Variants in VIRMA observed in about 807,000 individuals in gnomAD.
VIRMA encodes the protein protein virilizer homolog.
A neutral mutation model predicts 182.4 loss-of-function variants in VIRMA; 65 were observed. The observed-to-expected ratio is 0.36, with a 90% CI of 0.29 to 0.44. The LOEUF (loss-of-function observed/expected upper bound fraction) is 0.44. Among genes scored for constraint, VIRMA ranks in the 20% least tolerant of loss-of-function variants. VIRMA has a pLI of 1.00. For synonymous variants in VIRMA, 709 were observed against 743.1 expected (o/e 0.95, Z 0.75); for missense variants, 1,752 against 2,158.1 (o/e 0.81, Z 3.73).
Position 94,517,954 on chromosome 8 carries a change from T to C in VIRMA, c.2514-12A>G, listed in dbSNP as rs763343979. ...TAGATTTGGAATCACTGAAACAAAA[T>C]AAGGTTTTTAAGTTTTGGATACAAA... is the stretch of plus-strand genomic sequence containing the variant. On this transcript the variant is annotated splice_polypyrimidine_tract_variant and intron_variant, in intron 9 of 23. Coordinates refer to ENST00000297591, the MANE Select transcript of VIRMA (RefSeq NM_015496.5). 1.9e-6 allele frequency: 3 copies of C among 1,584,050 alleles called. No individual in the cohort carries two copies. The highest frequency in any genetic ancestry group is 2.6e-6 in the Non-Finnish European group (3 of 1,169,388).
chr8:94,551,120 C>T (rs1815971904), intron 1 of VIRMA, among the ~76,000 whole-genome samples: 1 of 152,242 alleles, frequency 6.6e-6, no homozygotes, highest in Non-Finnish European at 1.5e-5. Context: ...CATACCCTAA[C>T]AGACGACTGA....
intron 7 of VIRMA, among the ~76,000 whole-genome samples, chr8:94,528,377 T>G (rs1286411489): frequency 6.6e-6 from 1 of 152,072 alleles, no homozygotes; most frequent in Non-Finnish European, 1.5e-5. Flanking sequence ...ATAATCTAGC[T>G]ATTTGATATT....
chr8:94,516,452 C>T (rs1213928905), intron 10 of VIRMA, among the ~76,000 whole-genome samples: 1 of 152,150 alleles, frequency 6.6e-6, no homozygotes, highest in Non-Finnish European at 1.5e-5. Context: ...CTCCTATATT[C>T]TATCACCAAA....
intron 10 of VIRMA, among the ~76,000 whole-genome samples, chr8:94,516,849 AAAAAG>A (rs1297005728): frequency 2.6e-5 from 4 of 152,206 alleles, no homozygotes; most frequent in Admixed American, 2.6e-4. Context: ...ATTTAGGATT[AAAAAG>A]AAAAGAAGAG....
At chr8:94,507,162 T>G (rs189547053) in intron 15 of VIRMA, among the ~76,000 whole-genome samples, 37 of 150,862 alleles carry the variant, frequency 2.5e-4, no homozygotes, top group Middle Eastern at 3.4e-3. Flanking sequence ...TGAGACGGAG[T>G]TTCACTCTTG....
intron 1 of VIRMA, among the ~76,000 whole-genome samples, chr8:94,549,434 C>G (rs1188970857): frequency 2.0e-5 from 3 of 152,184 alleles, no homozygotes; most frequent in Non-Finnish European, 4.4e-5. Flanking sequence ...TAAACAGATT[C>G]TCAACTTCCT....
chr8:94,553,299 G>T, intron 1 of VIRMA, 86 bp downstream of exon 1: 1 of 1,326,056 alleles, frequency 7.5e-7, no homozygotes, highest in Non-Finnish European at 1.1e-6. Context: ...GCAATCTGCA[G>T]AAGGAAAAGT....
intron 1 of VIRMA, among the ~76,000 whole-genome samples, chr8:94,548,345 G>A (rs1359540984): frequency 6.6e-6 from 1 of 151,154 alleles, no homozygotes; most frequent in East Asian, 1.9e-4. Flanking sequence ...TTACAGTATT[G>A]TAATATTAAC....
chr8:94,518,905 C>A (rs774215748), intron 9 of VIRMA, 80 bp downstream of exon 9: 1 of 1,280,048 alleles, frequency 7.8e-7, no homozygotes, highest in Non-Finnish European at 1.1e-6. Flanking sequence ...CAAAATAACA[C>A]CTTCTTTTAA....
At chr8:94,511,010 C>T (rs1353954589) in intron 13 of VIRMA, 175 bp downstream of exon 13, 2 of 1,394,860 alleles carry the variant, frequency 1.4e-6, no homozygotes, top group African/African-American at 1.5e-5. Flanking sequence ...AAAATGTTAC[C>T]CCCATATTTC....
At chr8:94,500,271 C>T (rs1402977456) in intron 16 of VIRMA, among the ~76,000 whole-genome samples, 2 of 152,026 alleles carry the variant, frequency 1.3e-5, no homozygotes, top group Non-Finnish European at 2.9e-5. Context: ...TAGTGGTGCA[C>T]GCCTGTAATC....
chr8:94,529,293 C>A lies in VIRMA; in HGVS notation c.657G>T (p.Glu219Asp), dbSNP rs1447709979. The A allele has an allele frequency of 6.2e-7, 1 of 1,613,308 alleles. No homozygotes were observed. The highest frequency in any genetic ancestry group is 1.7e-5 in the Admixed American group (1 of 60,020). The change falls in exon 7 of 24, where the codon GAG becomes GAT. Residue 219 changes from glutamate to aspartate, a missense_variant. Physicochemically the swap from Glu to Asp is conservative, Grantham distance 45 (BLOSUM62 2). Coordinates refer to ENST00000297591, the MANE Select transcript of VIRMA (RefSeq NM_015496.5). The stretch of plus-strand genomic sequence containing the variant: ...CAGAATTCCGATCAGGAGAAATGGG[C>A]TCAAAGTAATCTTCTCTATGAGGAG... ...EDAPHREDYFEPISPDRNSVP... is the reference protein window; with the variant it reads ...EDAPHREDYFDPISPDRNSVP...
At chr8:94,551,253 G>A (rs1408169874) in intron 1 of VIRMA, among the ~76,000 whole-genome samples, 1 of 152,174 alleles carries the variant, frequency 6.6e-6, no homozygotes. Context: ...CAAATGAAAA[G>A]TTATCTCTGC....
intron 1 of VIRMA, 27 bp from the exon 2 acceptor site, chr8:94,543,969 GA>G: frequency 8.5e-7 from 1 of 1,170,784 alleles, no homozygotes; most frequent in Non-Finnish European, 1.3e-6. Context: ...GCCGGAGGGG[GA>G]GGGGTTCGGA....
At chr8:94,508,810 A>T (rs1303259267) in intron 15 of VIRMA, among the ~76,000 whole-genome samples, 1 of 152,208 alleles carries the variant, frequency 6.6e-6, no homozygotes, top group Non-Finnish European at 1.5e-5. Flanking sequence ...TCTGCCTGAA[A>T]AAAAAAAATC....
chr8:94,506,812 C>G (rs1456578270), intron 15 of VIRMA, 95 bp from the exon 16 acceptor site: 1 of 678,674 alleles, frequency 1.5e-6, no homozygotes, highest in African/African-American at 1.8e-5. Context: ...TATTCAATAA[C>G]TATCTCATTA....
At position 94,509,743 on chromosome 8, in the gene VIRMA, A is replaced by G; in HGVS notation, c.3824T>C (p.Ile1275Thr). The G allele has an allele frequency of 2.5e-6, 4 of 1,614,008 alleles. No individual in the cohort carries two copies. The highest frequency in any genetic ancestry group is 1.1e-5 in the South Asian group (1 of 91,066). Reference protein sequence around the residue: ...ALVRSPGDSVIRQQCVEYVTS... With the variant: ...ALVRSPGDSVTRQQCVEYVTS... ...GACATATTCAACACACTGTTGGCGAATAACACTGTCTCCAGGAGACCGCAC... is the reference window on the plus strand; with the variant it reads ...GACATATTCAACACACTGTTGGCGAGTAACACTGTCTCCAGGAGACCGCAC... Residue 1275 changes from isoleucine (I) to threonine (T), a missense_variant, in exon 15 of 24, where the codon ATT (isoleucine) becomes ACT (threonine). Around this residue, in one of 11 missense-constraint regions of VIRMA, gnomAD observed 777 missense variants for 920.6 expected, o/e 0.84. Transcript: ENST00000297591.
chr8:94,503,381 A>G (rs1814057098), intron 16 of VIRMA, among the ~76,000 whole-genome samples: 1 of 152,236 alleles, frequency 6.6e-6, no homozygotes, highest in Non-Finnish European at 1.5e-5. Context: ...TATATGATGC[A>G]CTGAAAAAGG....
rs1331570184 is a variant in VIRMA, at chr8:94,543,840, T to C, written c.166A>G (p.Asn56Asp). The C allele has an allele frequency of 1.3e-6, 2 of 1,591,216 alleles. No homozygotes were observed. Among genetic ancestry groups the C allele is most frequent in the Non-Finnish European group, 1.7e-6 (2 of 1,161,458 alleles). The change falls in exon 2 of 24, where the codon AAT becomes GAT. Residue 56 changes from asparagine (N) to aspartate (D), a missense_variant. By Grantham distance (23) the Asn-to-Asp change is conservative. Around this residue, in one of 11 missense-constraint regions of VIRMA, gnomAD observed 195 missense variants for 191.7 expected, o/e 1.02. Transcript: ENST00000297591. Reference sequence around the variant, plus strand: ...GAGTTGACTTACCCATATGCTCTATTGTCTGGCAGACTGCTATGGGCTCTT... The same window carrying C: ...GAGTTGACTTACCCATATGCTCTATCGTCTGGCAGACTGCTATGGGCTCTT... ...GVRAHSSLPD[N>D]RAYGETSPHT...
Sources: allele counts gnomAD v4.1 joint callset (sites outside exome capture counted in the v4.1 genomes callset), GRCh38; gene constraint gnomAD v4.1.1; regional missense constraint gnomAD v4.1.1; transcripts MANE v1.5; gene names NCBI Gene and HGNC (gene_info 2026-07-23, HGNC 2026-07-21).